The following ADAM19 variants were observed in gnomAD, a reference collection of about 807,000 sequenced individuals.
The protein encoded by ADAM19 is disintegrin and metalloproteinase domain-containing protein 19.
ADAM19 carries 65 observed loss-of-function variants against 114.7 expected under a neutral mutation model. The observed-to-expected ratio is 0.57, with a 90% CI of 0.46 to 0.70. The LOEUF is 0.70. Ranked by LOEUF, ADAM19 falls within the 30% of genes least tolerant of loss-of-function variation. ADAM19 has a pLI of 0.00. For synonymous variants in ADAM19, 466 were observed against 460.5 expected, an observed-to-expected ratio of 1.01 and a Z score of -0.15; for missense variants, 1,063 against 1,204.7, an observed-to-expected ratio of 0.88 and a Z score of 1.74.
Position 157,480,311 on chromosome 5 carries a change from G to A in ADAM19, c.*638C>T. The A allele has an allele frequency of 3.0e-6, 3 of 986,388 alleles. No individual in the cohort carries two copies. Among genetic ancestry groups the A allele is most frequent in the Non-Finnish European group, 3.6e-6 (3 of 830,546 alleles). The allele number at this position is 986,388 out of a possible 1,614,324, so 61.1% of individuals were successfully genotyped here. Reference sequence around the variant, plus strand: ...CACTGCCTACGAATAGTACCTGTCTGAGTCAGAGTGACCCGTGTGAATACA... The same window carrying A: ...CACTGCCTACGAATAGTACCTGTCTAAGTCAGAGTGACCCGTGTGAATACA... On this transcript the variant is annotated 3_prime_UTR_variant, in exon 23 of 23. Coordinates refer to ENST00000257527, the MANE Select transcript of ADAM19 (RefSeq NM_033274.5).
chr5:157,573,035 G>A, intron 1 of ADAM19, among the ~76,000 whole-genome samples: 1 of 151,932 alleles, frequency 6.6e-6, no homozygotes, highest in East Asian at 1.9e-4. Flanking sequence ...CTCCATCTCA[G>A]AAATAAAAAA....
chr5:157,548,679 C>T (rs542176859), intron 3 of ADAM19, among the ~76,000 whole-genome samples: 1 of 152,270 alleles, frequency 6.6e-6, no homozygotes, highest in East Asian at 1.9e-4. Context: ...ATCTTAATTG[C>T]TCAAAATCAA....
At chr5:157,547,445 A>G (rs547203614) in intron 3 of ADAM19, among the ~76,000 whole-genome samples, 1 of 152,304 alleles carries the variant, frequency 6.6e-6, no homozygotes, top group African/African-American at 2.4e-5. Flanking sequence ...GCTGTTATAA[A>G]AGGGCTTGAG....
chr5:157,482,311 T>C (rs960422710), intron 21 of ADAM19, among the ~76,000 whole-genome samples: 1 of 152,234 alleles, frequency 6.6e-6, no homozygotes, highest in African/African-American at 2.4e-5. Flanking sequence ...TAGCCCTCTG[T>C]CAGATGGATA....
chr5:157,504,080 A>AATTGTTAAAT (rs1318943487), intron 11 of ADAM19, among the ~76,000 whole-genome samples: 6 of 152,366 alleles, frequency 3.9e-5, no homozygotes, highest in Non-Finnish European at 4.4e-5. Flanking sequence ...TAAACTATCC[A>AATTGTTAAAT]TATTTGTGAA....
chr5:157,566,354 A>G (rs1757663138), intron 2 of ADAM19: 1 of 152,250 alleles, frequency 6.6e-6, no homozygotes. Context: ...GGAAAAATGT[A>G]GAGAGAAATA....
At chr5:157,572,293 T>C (rs1175051280) in intron 1 of ADAM19, 1 of 456,064 alleles carries the variant, frequency 2.2e-6, no homozygotes, top group East Asian at 6.9e-5. Context: ...GAGTCCTGTT[T>C]TGCAAGAAAG....
chr5:157,564,492 C>T (rs1581358662), intron 2 of ADAM19, 49 bp from the exon 3 acceptor site: 1 of 1,557,812 alleles, frequency 6.4e-7, no homozygotes, highest in Non-Finnish European at 8.9e-7. Flanking sequence ...CGGCACCAGG[C>T]TCCCTGGGTC....
rs578178444 is a variant in ADAM19 at position 157,479,142 on chromosome 5, C to G, written c.*1807G>C. 1 of 985,928 alleles carries G rather than the reference C, an allele frequency of 1.0e-6. No individual in the cohort carries two copies. The highest frequency in any genetic ancestry group is 1.2e-6 in the Non-Finnish European group (1 of 829,990). 61.1% of individuals were successfully genotyped at this position (985,928 alleles called of 1,614,324 possible). On this transcript the variant is annotated 3_prime_UTR_variant, in exon 23 of 23. Transcript: ENST00000257527. The stretch of plus-strand genomic sequence containing the variant: ...GACCCACAGCAAGGATGACCCACGG[C>G]AAGGACATGGGGAACCTGTATCACA...
chr5:157,555,679 G>A (rs1757348633), intron 3 of ADAM19, among the ~76,000 whole-genome samples: 1 of 152,200 alleles, frequency 6.6e-6, no homozygotes. Context: ...CTGTGTGTGT[G>A]TTTCCTGGGG....
chr5:157,560,901 CA>C (rs1757492004), intron 3 of ADAM19, among the ~76,000 whole-genome samples: 1 of 152,240 alleles, frequency 6.6e-6, no homozygotes, highest in African/African-American at 2.4e-5. Context: ...GCTTGGAATA[CA>C]AACAAGGCAC....
At chr5:157,502,490 G>A (rs1459312154) in intron 12 of ADAM19, among the ~76,000 whole-genome samples, 1 of 152,182 alleles carries the variant, frequency 6.6e-6, no homozygotes, top group Non-Finnish European at 1.5e-5. Flanking sequence ...GCAGCTGGAG[G>A]GCAAGCAGGC....
intron 5 of ADAM19, among the ~76,000 whole-genome samples, chr5:157,526,064 C>T (rs578162781): frequency 1.3e-5 from 2 of 151,892 alleles, no homozygotes; most frequent in East Asian, 3.9e-4. Context: ...TGAGATAGAT[C>T]TATGTATACC....
chr5:157,555,335 A>G (rs546082637), intron 3 of ADAM19, among the ~76,000 whole-genome samples: 2 of 152,290 alleles, frequency 1.3e-5, no homozygotes, highest in South Asian at 2.1e-4. Flanking sequence ...AGCTATCACC[A>G]TTTGTTAATA....
At chr5:157,558,233 T>C (rs1581353557) in intron 3 of ADAM19, among the ~76,000 whole-genome samples, 1 of 152,128 alleles carries the variant, frequency 6.6e-6, no homozygotes, top group South Asian at 2.1e-4. Flanking sequence ...GTGAAGAAAA[T>C]TTCAGACACC....
intron 1 of ADAM19, among the ~76,000 whole-genome samples, chr5:157,574,714 C>T (rs1757925832): frequency 6.6e-6 from 1 of 152,166 alleles, no homozygotes; most frequent in East Asian, 1.9e-4. Flanking sequence ...AAGCCTTCCG[C>T]GAAATCTGCT....
intron 5 of ADAM19, among the ~76,000 whole-genome samples, chr5:157,527,592 A>T (rs1561544291): frequency 6.6e-6 from 1 of 152,178 alleles, no homozygotes. Flanking sequence ...TGCTCCCATG[A>T]TTCAATCACC....
chr5:157,513,087 T>A (rs993059708), intron 8 of ADAM19, among the ~76,000 whole-genome samples: 4 of 152,152 alleles, frequency 2.6e-5, no homozygotes. Context: ...GAGCAGTCTG[T>A]TTTCATCTAA....
At chr5:157,519,497 C>G (rs765695480) in intron 6 of ADAM19, among the ~76,000 whole-genome samples, 1 of 152,150 alleles carries the variant, frequency 6.6e-6, no homozygotes, top group African/African-American at 2.4e-5. Flanking sequence ...GTTGCCCAGG[C>G]TGGACTCAAA....
Sources: allele counts gnomAD v4.1 joint callset (sites outside exome capture counted in the v4.1 genomes callset), GRCh38; gene constraint gnomAD v4.1.1; transcripts MANE v1.5; gene names NCBI Gene and HGNC (gene_info 2026-07-23, HGNC 2026-07-21).